NPFF: variants seen among roughly 807,000 people sequenced by gnomAD.
The protein encoded by NPFF is pro-FMRFamide-related neuropeptide FF.
A neutral mutation model predicts 12.9 loss-of-function variants in NPFF; 14 were observed. The observed-to-expected ratio is 1.09, with a 90% CI of 0.72 to 1.70. The LOEUF (loss-of-function observed/expected upper bound fraction) is 1.70, where lower values mean the gene tolerates loss of function less well. Among genes scored for constraint, NPFF ranks in the 40% most tolerant of loss-of-function variants. The probability of loss-of-function intolerance (pLI) is 0.00; values close to 1 mark genes in which losing one functional copy is unlikely to be tolerated. For synonymous variants in NPFF, 56 were observed against 57.3 expected, an observed-to-expected ratio of 0.98 and a Z score of 0.10; for missense variants, 140 against 135.7, an observed-to-expected ratio of 1.03 and a Z score of -0.16.
In NPFF at chr12:53,507,362, C is replaced by G. The variant is rs1944034545; in HGVS notation, c.102+11G>C. 2 of 1,614,040 alleles carry G rather than the reference C, an allele frequency of 1.2e-6. No individual in the cohort carries two copies. The highest frequency in any genetic ancestry group is 1.7e-6 in the Non-Finnish European group (2 of 1,179,972). ...AGGCAATGGTGATATGGGGATGGGA[C>G]ACACACTCACCGCGGAGAGCTGGTC... is the stretch of plus-strand genomic sequence containing the variant. On this transcript the variant is annotated intron_variant, in intron 1 of 2. Coordinates refer to ENST00000267017, the MANE Select transcript of NPFF (RefSeq NM_003717.4).
Position 53,506,730 on chromosome 12 carries a change from CT to C in NPFF, c.*45del. On this transcript the variant is annotated 3_prime_UTR_variant, in exon 3 of 3. Transcript: ENST00000267017. Reference sequence around the variant, plus strand: ...TTTATTTGGGGGGCAAACATTGACACTTTTGGGTGTGGACCTTGCATGCAGA... The same window carrying C: ...TTTATTTGGGGGGCAAACATTGACACTTTGGGTGTGGACCTTGCATGCAGA... The C allele has an allele frequency of 7.2e-7, 1 of 1,388,402 alleles. No individual in the cohort carries two copies. 86.0% of individuals were successfully genotyped at this position (1,388,402 alleles called of 1,614,324 possible).
chr12:53,507,293 A>G (rs1944031667), intron 1 of NPFF, 80 bp downstream of exon 1: 1 of 1,600,754 alleles, frequency 6.2e-7, no homozygotes, highest in East Asian at 2.2e-5. Flanking sequence ...CTTGGCAGCC[A>G]GAGAAAGTAT....
intron 2 of NPFF, 43 bp downstream of exon 2, chr12:53,506,978 C>T (rs769771585): frequency 3.1e-6 from 5 of 1,601,774 alleles, no homozygotes; most frequent in East Asian, 4.5e-5. Flanking sequence ...CCTGCCCTTT[C>T]CACCCCCAGC....
At position 53,506,836 on chromosome 12, in the gene NPFF, T is replaced by C; in HGVS notation, c.282A>G (p.Gly94=). 6.2e-7 allele frequency: 1 copy of C among 1,603,372 alleles called. No homozygotes were observed. Among genetic ancestry groups the C allele is most frequent in the Non-Finnish European group, 8.5e-7 (1 of 1,174,884 alleles). ...WRNEWLSPRA[G]EGLNSQFWSL... ...TCCAGAACTGGGAATTCAGCCCCTCTCCAGCCCGGGGACTCAGCCATTCAT... is the reference window on the plus strand; with the variant it reads ...TCCAGAACTGGGAATTCAGCCCCTCCCCAGCCCGGGGACTCAGCCATTCAT... The change falls in exon 3 of 3, where the codon GGA becomes GGG. Residue 94 remains glycine (G), a synonymous_variant. Coordinates refer to ENST00000267017, the MANE Select transcript of NPFF (RefSeq NM_003717.4).
At chr12:53,507,204 G>A in intron 1 of NPFF, 62 bp from the exon 2 acceptor site, 2 of 1,595,930 alleles carry the variant, frequency 1.3e-6, no homozygotes, top group Non-Finnish European at 1.7e-6. Context: ...TAAGTCACAA[G>A]GGGAAGGGAC....
rs372970102 is a variant in NPFF, at chr12:53,506,703, A to G, written c.*73T>C. The G allele has an allele frequency of 2.0e-5, 25 of 1,238,866 alleles. No homozygotes were observed. In the African/African-American group the frequency reaches 2.6e-4, roughly 13 times the overall value. 76.7% of individuals were successfully genotyped at this position (1,238,866 alleles called of 1,614,324 possible). On this transcript the variant is annotated 3_prime_UTR_variant, in exon 3 of 3. Coordinates refer to ENST00000267017, the MANE Select transcript of NPFF (RefSeq NM_003717.4). ...CACACATGGATTCAGAAGCCAGACAATTTTATTTGGGGGGCAAACATTGAC... is the reference window on the plus strand; with the variant it reads ...CACACATGGATTCAGAAGCCAGACAGTTTTATTTGGGGGGCAAACATTGAC...
rs1565904040 is a variant in NPFF at position 53,506,743 on chromosome 12, A to C, written c.*33T>G. The C allele has an allele frequency of 1.4e-6, 2 of 1,442,416 alleles. No individual in the cohort carries two copies. Among genetic ancestry groups the C allele is most frequent in the South Asian group, 1.4e-5 (1 of 73,842 alleles). The allele number at this position is 1,442,416 out of a possible 1,614,324, so 89.4% of individuals were successfully genotyped here. ...CAAACATTGACACTTTTGGGTGTGG[A>C]CCTTGCATGCAGACATATCAAGGGA... On this transcript the variant is annotated 3_prime_UTR_variant, in exon 3 of 3. Coordinates refer to ENST00000267017, the MANE Select transcript of NPFF (RefSeq NM_003717.4).
In NPFF at chr12:53,507,139, C is replaced by T. The variant is rs776187407; in HGVS notation, c.106G>A (p.Glu36Lys). Residue 36 changes from glutamate (E) to lysine (K), a missense_variant, in exon 2 of 3, where the codon GAA becomes AAA. By Grantham distance (56) the Glu-to-Lys change is moderately conservative. Coordinates refer to ENST00000267017, the MANE Select transcript of NPFF (RefSeq NM_003717.4). ...GQQEDQLSAE[E>K]DSEPLPPQDA... is the part of the protein sequence containing the mutation. The stretch of plus-strand genomic sequence containing the variant: ...TGTGGTGGGAGGGGTTCGCTGTCTT[C>T]CTCCTGTGCCAAGGGGGTATCAGGG... 1.2e-6 allele frequency: 2 copies of T among 1,613,754 alleles called. No homozygotes were observed. Among genetic ancestry groups the T allele is most frequent in the Non-Finnish European group, 1.7e-6 (2 of 1,179,842 alleles).
In NPFF at chr12:53,506,910, C is replaced by T. The variant is rs750965629; in HGVS notation, c.225-17G>A. 2.8e-5 allele frequency: 44 copies of T among 1,579,608 alleles called. No individual in the cohort carries two copies. The highest frequency in any genetic ancestry group is 7.1e-5 in the Admixed American group (4 of 56,246). Reference sequence around the variant, plus strand: ...CTGCCAAACCTTAGGAAAGATTTGTCCTCAGGTCCCCGCAGTCTCCCTTCT... The same window carrying T: ...CTGCCAAACCTTAGGAAAGATTTGTTCTCAGGTCCCCGCAGTCTCCCTTCT... On this transcript the variant is annotated splice_polypyrimidine_tract_variant and intron_variant, in intron 2 of 2. Coordinates refer to ENST00000267017, the MANE Select transcript of NPFF (RefSeq NM_003717.4).
rs1325053408 is a variant in NPFF, at chr12:53,507,461, T to C, written c.14A>G (p.Gln5Arg). 3.1e-6 allele frequency: 5 copies of C among 1,613,212 alleles called. No individual in the cohort carries two copies. The highest frequency in any genetic ancestry group is 4.2e-6 in the Non-Finnish European group (5 of 1,179,942). MDSRQAAALLVLLLL... is the reference protein window; with the variant it reads MDSRRAAALLVLLLL... ...CAGCAGCACCAGCAGTGCAGCAGCC[T>C]GCCTAGAATCCATGCTGCCACCTAC... is the stretch of plus-strand genomic sequence containing the variant. Residue 5 changes from glutamine to arginine, a missense_variant, in exon 1 of 3, where the codon CAG becomes CGG. By Grantham distance (43) the Gln-to-Arg change is conservative. Coordinates refer to ENST00000267017, the MANE Select transcript of NPFF (RefSeq NM_003717.4).
Position 53,507,367 on chromosome 12 carries a change from A to C in NPFF, c.102+6T>G. ...ATGGTGATATGGGGATGGGACACAC[A>C]CTCACCGCGGAGAGCTGGTCTTCCT... On this transcript the variant is annotated splice_donor_region_variant and intron_variant, in intron 1 of 2. Coordinates refer to ENST00000267017, the MANE Select transcript of NPFF (RefSeq NM_003717.4). The C allele has an allele frequency of 6.2e-7, 1 of 1,613,756 alleles. No homozygotes were observed. Among genetic ancestry groups the C allele is most frequent in the Non-Finnish European group, 8.5e-7 (1 of 1,179,880 alleles).
chr12:53,507,231 G>C, intron 1 of NPFF, 89 bp from the exon 2 acceptor site: 1 of 1,584,464 alleles, frequency 6.3e-7, no homozygotes, highest in Non-Finnish European at 8.6e-7. Context: ...CCAGGGGCAA[G>C]TGGTAGGAGG....
Position 53,506,831 on chromosome 12 carries a change from C to T in NPFF, c.287G>A (p.Gly96Glu), listed in dbSNP as rs1944010391. The T allele has an allele frequency of 6.2e-7, 1 of 1,601,706 alleles. No individual in the cohort carries two copies. Among genetic ancestry groups the T allele is most frequent in the African/African-American group, 1.3e-5 (1 of 74,552 alleles). ...NEWLSPRAGE[G>E]LNSQFWSLAA... ...CAGGCTCCAGAACTGGGAATTCAGC[C>T]CCTCTCCAGCCCGGGGACTCAGCCA... The change falls in exon 3 of 3, where the codon GGG becomes GAG. Residue 96 changes from glycine to glutamate, a missense_variant. By Grantham distance (98) the Gly-to-Glu change is moderately conservative. Coordinates refer to ENST00000267017, the MANE Select transcript of NPFF (RefSeq NM_003717.4).
Position 53,506,866 on chromosome 12 carries a change from C to T in NPFF, c.252G>A (p.Trp84Ter), listed in dbSNP as rs1291398677. The T allele has an allele frequency of 1.9e-6, 3 of 1,601,904 alleles. No homozygotes were observed. The highest frequency in any genetic ancestry group is 1.7e-6 in the Non-Finnish European group (2 of 1,173,722). Reference sequence around the variant, plus strand: ...CCCGGGGACTCAGCCATTCATTCCTCCAGGATCCCTGGGTATTTCTGCCAA... The same window carrying T: ...CCCGGGGACTCAGCCATTCATTCCTTCAGGATCCCTGGGTATTTCTGCCAA... ...QRFGRNTQGS[W>*]RNEWLSPRAG... The change falls in exon 3 of 3, where the codon TGG becomes TGA. Residue 84 changes from tryptophan (W) to a stop codon, truncating the protein, a stop_gained. Coordinates refer to ENST00000267017, the MANE Select transcript of NPFF (RefSeq NM_003717.4). LOFTEE classifies it high-confidence loss of function.
At chr12:53,507,300 G>T in intron 1 of NPFF, 73 bp downstream of exon 1, 3 of 1,603,470 alleles carry the variant, frequency 1.9e-6, no homozygotes, top group Non-Finnish European at 2.6e-6. Context: ...GCCAGAGAAA[G>T]TATCAGAACC....
chr12:53,506,861 T>C lies in NPFF; in HGVS notation c.257A>G (p.Asn86Ser). ...FGRNTQGSWR[N>S]EWLSPRAGEG... is the part of the protein sequence containing the mutation. ...TCCAGCCCGGGGACTCAGCCATTCATTCCTCCAGGATCCCTGGGTATTTCT... is the reference window on the plus strand; with the variant it reads ...TCCAGCCCGGGGACTCAGCCATTCACTCCTCCAGGATCCCTGGGTATTTCT... The change falls in exon 3 of 3, where the codon AAT (asparagine) becomes AGT (serine). Residue 86 changes from asparagine to serine, a missense_variant. Asn to Ser is a conservative substitution (Grantham distance 46). Coordinates refer to ENST00000267017, the MANE Select transcript of NPFF (RefSeq NM_003717.4). 1 of 1,603,564 alleles carries C rather than the reference T, an allele frequency of 6.2e-7. No individual in the cohort carries two copies. The highest frequency in any genetic ancestry group is 8.5e-7 in the Non-Finnish European group (1 of 1,174,606).
At position 53,506,793 on chromosome 12, in the gene NPFF, G is replaced by A. The variant is rs145475447; in HGVS notation, c.325C>T (p.Arg109Cys). 412 of 1,574,320 alleles carry A rather than the reference G, an allele frequency of 2.6e-4. 3 individuals are homozygous for A. The African/African-American group carries it at 3.2e-3, about 12-fold the overall frequency. The change falls in exon 3 of 3, where the codon CGC (arginine) becomes TGC (cysteine). Residue 109 changes from arginine (R) to cysteine (C), a missense_variant. Transcript: ENST00000267017. ...ATGACATGTCACTTCTTCCCAAAGC[G>A]TTGAGGGGCAGCCAGGCTCCAGAAC... ...SQFWSLAAPQ[R>C]FGKK
chr12:53,506,818 C>G lies in NPFF; in HGVS notation c.300G>C (p.Gln100His). ...GTTGAGGGGCAGCCAGGCTCCAGAA[C>G]TGGGAATTCAGCCCCTCTCCAGCCC... Reference protein sequence around the residue: ...SPRAGEGLNSQFWSLAAPQRF... With the variant: ...SPRAGEGLNSHFWSLAAPQRF... The change falls in exon 3 of 3, where the codon CAG becomes CAC. Residue 100 changes from glutamine (Q) to histidine (H), a missense_variant. Physicochemically the swap from Gln to His is conservative, Grantham distance 24. Transcript: ENST00000267017. 1 of 1,598,192 alleles carries G rather than the reference C, an allele frequency of 6.3e-7. No homozygotes were observed. The highest frequency in any genetic ancestry group is 8.5e-7 in the Non-Finnish European group (1 of 1,172,520).
Position 53,507,418 on chromosome 12 carries a change from GCCC to G in NPFF, c.54_56del (p.Gly19del), listed in dbSNP as rs752933848. On this transcript the variant is annotated inframe_deletion, in exon 1 of 3. Coordinates refer to ENST00000267017, the MANE Select transcript of NPFF (RefSeq NM_003717.4). ...GCTGGCCTCCTGGCCCTTCAGCACAGCCCCCGTCTATTAACAGCAGCAGCACCA... is the reference window on the plus strand; with the variant it reads ...GCTGGCCTCCTGGCCCTTCAGCACAGCCGTCTATTAACAGCAGCAGCACCA... 1.2e-6 allele frequency: 2 copies of G among 1,613,968 alleles called. No homozygotes were observed. The highest frequency in any genetic ancestry group is 1.6e-4 in the Middle Eastern group (1 of 6,062).
Sources: gnomAD v4.1 joint callset for allele counts on GRCh38, gnomAD v4.1.1 for gene constraint, MANE v1.5 for transcripts, NCBI Gene and HGNC (gene_info 2026-07-23, HGNC 2026-07-21) for gene names.